The following SGCZ variants were observed in gnomAD, a reference collection of about 807,000 sequenced individuals.
SGCZ encodes the protein zeta-sarcoglycan.
A neutral mutation model predicts 41.3 loss-of-function variants in SGCZ; 40 were observed. The ratio of observed to expected loss-of-function variants is 0.97; its 90% CI spans 0.75 to 1.26. The LOEUF is 1.26. Ranked by LOEUF, SGCZ falls within the 50% of genes most tolerant of loss-of-function variation. The pLI is 0.00. For synonymous variants in SGCZ, 206 were observed against 137.5 expected (o/e 1.50, Z -3.49); for missense variants, 552 against 369.8 (o/e 1.49, Z -4.04).
chr8:14,326,644 G>C (rs1324779754), intron 2 of SGCZ, among the ~76,000 whole-genome samples: 3 of 152,072 alleles, frequency 2.0e-5, no homozygotes, highest in Non-Finnish European at 4.4e-5. Flanking sequence ...TGCCTTACAG[G>C]AAACCAACCC....
intron 1 of SGCZ, among the ~76,000 whole-genome samples, chr8:15,032,302 T>TA (rs1020129083): frequency 5.9e-5 from 9 of 151,634 alleles, no homozygotes; most frequent in Admixed American, 2.0e-4. Context: ...AAAAAGAAAT[T>TA]AAAAAAAGAC....
intron 1 of SGCZ, among the ~76,000 whole-genome samples, chr8:14,888,403 A>C (rs976342415): frequency 1.4e-4 from 21 of 152,170 alleles, no homozygotes; most frequent in Non-Finnish European, 1.5e-5. Flanking sequence ...ACCCTCTTGC[A>C]CTTGAACCGT....
intron 5 of SGCZ, among the ~76,000 whole-genome samples, chr8:14,116,461 A>C (rs541260983): frequency 6.6e-6 from 1 of 152,222 alleles, no homozygotes; most frequent in South Asian, 2.1e-4. Flanking sequence ...AGCTTGCCTT[A>C]ATATGTAATT....
chr8:14,863,612 G>T (rs528015148), intron 1 of SGCZ, among the ~76,000 whole-genome samples: 10 of 152,150 alleles, frequency 6.6e-5, no homozygotes, highest in African/African-American at 2.4e-4. Context: ...AAGGATCGAG[G>T]TCAGGGAAAT....
At chr8:14,635,064 A>C (rs1877020) in intron 1 of SGCZ, among the ~76,000 whole-genome samples, 1 of 151,134 alleles carries the variant, frequency 6.6e-6, no homozygotes, top group Non-Finnish European at 1.5e-5. Flanking sequence ...ATAGTATTAT[A>C]ATTTAAAAAC....
intron 3 of SGCZ, among the ~76,000 whole-genome samples, chr8:14,258,147 T>C (rs1031446902): frequency 1.3e-5 from 2 of 152,206 alleles, no homozygotes; most frequent in Non-Finnish European, 2.9e-5. Context: ...GGAAGTATTA[T>C]ATGCTAAAAG....
chr8:14,757,051 CT>C, intron 1 of SGCZ, among the ~76,000 whole-genome samples: 1 of 152,150 alleles, frequency 6.6e-6, no homozygotes, highest in African/African-American at 2.4e-5. Context: ...AATATGTCAA[CT>C]TTTTCTTTTT....
intron 2 of SGCZ, among the ~76,000 whole-genome samples, chr8:14,521,228 A>T (rs991281478): frequency 4.6e-5 from 7 of 152,114 alleles, no homozygotes; most frequent in African/African-American, 1.7e-4. Context: ...CCACTCCATG[A>T]TCCCTGACAA....
At chr8:15,134,592 A>T (rs1808041476) in intron 1 of SGCZ, among the ~76,000 whole-genome samples, 2 of 152,086 alleles carry the variant, frequency 1.3e-5, no homozygotes, top group South Asian at 4.1e-4. Context: ...ACTTTGAAGA[A>T]CTCTCAATGT....
At chr8:14,666,224 TG>T (rs1302117161) in intron 1 of SGCZ, among the ~76,000 whole-genome samples, 4 of 152,194 alleles carry the variant, frequency 2.6e-5, no homozygotes, top group African/African-American at 9.7e-5. Flanking sequence ...CTGAAATGTT[TG>T]TAGGGCATAA....
intron 1 of SGCZ, among the ~76,000 whole-genome samples, chr8:14,702,300 T>C (rs1391881026): frequency 6.6e-6 from 1 of 151,964 alleles, no homozygotes; most frequent in Non-Finnish European, 1.5e-5. Context: ...TTTCCTTTAC[T>C]GACACTTTTC....
intron 1 of SGCZ, among the ~76,000 whole-genome samples, chr8:14,709,076 G>C (rs533736146): frequency 3.7e-4 from 56 of 152,218 alleles, no homozygotes; most frequent in African/African-American, 1.3e-3. Flanking sequence ...TAACAGTGAA[G>C]AAGAATAAAA....
chr8:14,446,420 C>A (rs1008803907), intron 2 of SGCZ, among the ~76,000 whole-genome samples: 2 of 152,092 alleles, frequency 1.3e-5, no homozygotes, highest in African/African-American at 4.8e-5. Context: ...CAAAGACCAC[C>A]CTGGTTGGCA....
intron 4 of SGCZ, among the ~76,000 whole-genome samples, chr8:14,170,983 T>G (rs532475243): frequency 6.6e-6 from 1 of 152,220 alleles, no homozygotes; most frequent in East Asian, 1.9e-4. Flanking sequence ...TAATCTCACA[T>G]TCGCTAAATT....
intron 2 of SGCZ, among the ~76,000 whole-genome samples, chr8:14,379,066 GA>G (rs1159124151): frequency 2.6e-5 from 4 of 152,124 alleles, no homozygotes; most frequent in East Asian, 1.9e-4. Flanking sequence ...CTTATATGGG[GA>G]AAAAATAGTA....
At chr8:14,511,493 G>T (rs1802467234) in intron 2 of SGCZ, among the ~76,000 whole-genome samples, 2 of 152,014 alleles carry the variant, frequency 1.3e-5, no homozygotes, top group South Asian at 4.1e-4. Flanking sequence ...GTGGTACAAT[G>T]CCAAAACTGC....
intron 1 of SGCZ, among the ~76,000 whole-genome samples, chr8:14,823,858 T>C (rs909414960): frequency 2.6e-5 from 4 of 152,168 alleles, no homozygotes; most frequent in Admixed American, 6.5e-5. Flanking sequence ...TGGGTAAAGA[T>C]TATATGGAAT....
chr8:14,332,285 A>C (rs1456048654), intron 2 of SGCZ, among the ~76,000 whole-genome samples: 1 of 151,868 alleles, frequency 6.6e-6, no homozygotes, highest in Non-Finnish European at 1.5e-5. Context: ...AATAAAATAC[A>C]AAAAAATTAG....
chr8:15,202,939 T>A (rs1034488192), intron 1 of SGCZ, among the ~76,000 whole-genome samples: 3 of 151,972 alleles, frequency 2.0e-5, no homozygotes, highest in Non-Finnish European at 4.4e-5. Flanking sequence ...GGTGAAACCC[T>A]GTCTCTACAA....
Sources: allele counts gnomAD v4.1 joint callset (sites outside exome capture counted in the v4.1 genomes callset), GRCh38; gene constraint gnomAD v4.1.1; transcripts MANE v1.5; gene names NCBI Gene and HGNC (gene_info 2026-07-23, HGNC 2026-07-21).